The following FANK1 variants were observed in gnomAD, a reference collection of about 807,000 sequenced individuals.
FANK1 encodes the protein fibronectin type 3 and ankyrin repeat domains protein 1.
Under a neutral mutation model 45.3 loss-of-function variants are expected in FANK1, and 44 were observed. The observed-to-expected ratio is 0.97, with a 90% CI of 0.76 to 1.25. The LOEUF is 1.25. Among genes scored for constraint, FANK1 ranks in the 50% most tolerant of loss-of-function variants. The pLI is 0.00. For missense variants in FANK1, 391 were observed against 424.4 expected (o/e 0.92, Z 0.69); for synonymous variants, 149 against 152.5 (o/e 0.98, Z 0.17).
At chr10:125,998,491 A>C (rs1952510501) in intron 6 of FANK1, among the ~76,000 whole-genome samples, 2 of 152,226 alleles carry the variant, frequency 1.3e-5, no homozygotes, top group African/African-American at 4.8e-5. Context: ...AAGGGAAAAG[A>C]AAAAAAGTAT....
At chr10:126,006,775 GCT>G (rs1953244572) in intron 7 of FANK1, among the ~76,000 whole-genome samples, 1 of 152,222 alleles carries the variant, frequency 6.6e-6, no homozygotes, top group Non-Finnish European at 1.5e-5. Flanking sequence ...CAGGAGAATT[GCT>G]TGAACCCAGG....
At chr10:125,978,297 G>A (rs1321461941) in intron 1 of FANK1, among the ~76,000 whole-genome samples, 1 of 149,568 alleles carries the variant, frequency 6.7e-6, no homozygotes, top group Non-Finnish European at 1.5e-5. Context: ...CCAGTGAGGA[G>A]GAACGGGATT....
intron 5 of FANK1, 30 bp downstream of exon 5, chr10:125,996,654 T>G (rs1175467728): frequency 6.3e-7 from 1 of 1,598,622 alleles, no homozygotes; most frequent in African/African-American, 1.3e-5. Context: ...TAAATCTCTC[T>G]TGGGGATTTA....
chr10:125,956,156 C>T (rs909564142), intron 1 of FANK1, among the ~76,000 whole-genome samples: 10 of 124,484 alleles, frequency 8.0e-5, no homozygotes, highest in African/African-American at 1.3e-4. Flanking sequence ...GATTTACACA[C>T]GATCTACTCT....
chr10:125,965,576 C>G (rs1032692331), intron 1 of FANK1, among the ~76,000 whole-genome samples: 2 of 152,142 alleles, frequency 1.3e-5, no homozygotes, highest in Non-Finnish European at 2.9e-5. Context: ...GGATTGAAAT[C>G]CTTGCTCTCC....
At chr10:125,915,436 A>G (rs1254193891) in intron 1 of FANK1, among the ~76,000 whole-genome samples, 9 of 152,316 alleles carry the variant, frequency 5.9e-5, no homozygotes, top group African/African-American at 2.2e-4. Flanking sequence ...AGGCAGGTTG[A>G]TTTGCATGTT....
At chr10:125,968,267 C>T (rs553499343) in intron 1 of FANK1, among the ~76,000 whole-genome samples, 9 of 152,148 alleles carry the variant, frequency 5.9e-5, no homozygotes, top group East Asian at 1.9e-4. Context: ...TGACCTAGAA[C>T]GTATTTTTGA....
At chr10:125,942,036 A>G (rs1377714395) in intron 1 of FANK1, among the ~76,000 whole-genome samples, 2 of 152,140 alleles carry the variant, frequency 1.3e-5, no homozygotes, top group Non-Finnish European at 2.9e-5. Flanking sequence ...TGCCTTTTAC[A>G]TTTTATTAGG....
intron 1 of FANK1, among the ~76,000 whole-genome samples, chr10:125,958,476 G>A (rs1949719308): frequency 6.6e-6 from 1 of 152,124 alleles, no homozygotes; most frequent in East Asian, 1.9e-4. Flanking sequence ...GGTCTCAAGT[G>A]ATTGGCCAGC....
chr10:125,924,660 T>A (rs1293972632), intron 1 of FANK1, among the ~76,000 whole-genome samples: 2 of 152,134 alleles, frequency 1.3e-5, no homozygotes, highest in Non-Finnish European at 2.9e-5. Context: ...ACACAAAAAA[T>A]TAGCCTGGCG....
chr10:125,993,656 C>A (rs1342373060), intron 3 of FANK1, among the ~76,000 whole-genome samples: 5 of 152,194 alleles, frequency 3.3e-5, no homozygotes, highest in African/African-American at 1.2e-4. Context: ...AGTGAAACCA[C>A]TGAGCATGGC....
At chr10:125,961,537 C>T (rs550680844) in intron 1 of FANK1, among the ~76,000 whole-genome samples, 2 of 152,086 alleles carry the variant, frequency 1.3e-5, no homozygotes, top group Admixed American at 1.3e-4. Flanking sequence ...ACCTCTCACC[C>T]TATATGAAAA....
At chr10:125,920,113 T>C (rs1265953036) in intron 1 of FANK1, among the ~76,000 whole-genome samples, 1 of 152,230 alleles carries the variant, frequency 6.6e-6, no homozygotes, top group Non-Finnish European at 1.5e-5. Flanking sequence ...TGCTTTCTGT[T>C]ATTTTACTCA....
At chr10:125,906,345 A>T (rs1325366608) in intron 1 of FANK1, among the ~76,000 whole-genome samples, 2 of 151,892 alleles carry the variant, frequency 1.3e-5, no homozygotes, top group South Asian at 4.2e-4. Context: ...GTGAAACCCC[A>T]TCTCTATTAA....
intron 1 of FANK1, among the ~76,000 whole-genome samples, chr10:125,907,187 T>C (rs1367565447): frequency 1.3e-5 from 2 of 152,238 alleles, no homozygotes; most frequent in Admixed American, 6.5e-5. Context: ...AATTGTCTTA[T>C]TGTGATAGGC....
intron 1 of FANK1, among the ~76,000 whole-genome samples, chr10:125,956,563 C>A (rs1228794179): frequency 6.6e-6 from 1 of 151,976 alleles, no homozygotes; most frequent in African/African-American, 2.4e-5. Context: ...GAAAATATAC[C>A]ACAGGTACAT....
chr10:125,908,290 C>T (rs1417572989), intron 1 of FANK1, among the ~76,000 whole-genome samples: 1 of 152,204 alleles, frequency 6.6e-6, no homozygotes, highest in African/African-American at 2.4e-5. Context: ...GCCACTGTGC[C>T]TGGCCTTTTC....
chr10:125,978,716 G>A (rs1211179510), intron 1 of FANK1, among the ~76,000 whole-genome samples: 1 of 151,840 alleles, frequency 6.6e-6, no homozygotes, highest in African/African-American at 2.4e-5. Context: ...CAAAGCTGGT[G>A]GCCTGCCCCT....
At chr10:125,938,240 A>C (rs1948226376) in intron 1 of FANK1, among the ~76,000 whole-genome samples, 2 of 152,198 alleles carry the variant, frequency 1.3e-5, no homozygotes, top group African/African-American at 2.4e-5. Flanking sequence ...GGAAGGAAGA[A>C]AACAATATAG....
Sources: allele counts gnomAD v4.1 joint callset (sites outside exome capture counted in the v4.1 genomes callset), GRCh38; gene constraint gnomAD v4.1.1; transcripts MANE v1.5; gene names NCBI Gene and HGNC (gene_info 2026-07-23, HGNC 2026-07-21).